The following KDM4C variants were observed in gnomAD, a reference collection of about 807,000 sequenced individuals.
The protein encoded by KDM4C is lysine demethylase 4C, also known as lysine-specific demethylase 4C.
In KDM4C, 81 loss-of-function variants were observed where a neutral mutation model predicts 129.3. The observed-to-expected ratio is 0.63, with a 90% CI of 0.52 to 0.75. KDM4C has a LOEUF of 0.75. Ranked by LOEUF, KDM4C falls within the 30% of genes least tolerant of loss-of-function variation. KDM4C has a pLI of 0.00. For synonymous variants in KDM4C, 573 were observed against 456.1 expected (o/e 1.26, Z -3.26); for missense variants, 1,457 against 1,304.0 (o/e 1.12, Z -1.81).
At chr9:6,847,744 G>C (rs774820993) in intron 4 of KDM4C, among the ~76,000 whole-genome samples, 6 of 152,150 alleles carry the variant, frequency 3.9e-5, no homozygotes, top group Admixed American at 3.3e-4. Context: ...GCTTCTCAGC[G>C]TGTGGCCTAA....
Position 6,759,914 on chromosome 9 carries a change from G to T in KDM4C, c.-18+1711G>T, listed in dbSNP as rs1450819352. 4.7e-5 allele frequency among the ~76,000 whole-genome samples: 7 copies of T among 149,558 alleles called. No homozygotes were observed. The Admixed American group carries it at 4.7e-4, about 10-fold the overall frequency. The stretch of plus-strand genomic sequence containing the variant: ...CGAGATGGCACCACTGCACTCCAGC[G>T]TGGGTGACAGACTGAGACTCCATCT... On this transcript the variant is annotated intron_variant, in intron 1 of 21. Transcript: ENST00000381309.
chr9:7,169,874 G>T lies in KDM4C; in HGVS notation c.2978G>T (p.Arg993Ile). The T allele has an allele frequency of 6.2e-7, 1 of 1,614,106 alleles. No individual in the cohort carries two copies. Among genetic ancestry groups the T allele is most frequent in the Non-Finnish European group, 8.5e-7 (1 of 1,179,962 alleles). Reference sequence around the variant, plus strand: ...ACTTTAGATGAAGAGTTACCCAAGAGAGTGAAAGCTCGATTTGTAAGTGCT... The same window carrying T: ...ACTTTAGATGAAGAGTTACCCAAGATAGTGAAAGCTCGATTTGTAAGTGCT... Reference protein sequence around the residue: ...IYTLDEELPKRVKARFSTASD... With the variant: ...IYTLDEELPKIVKARFSTASD... The change falls in exon 21 of 22, where the codon AGA becomes ATA. Residue 993 changes from arginine to isoleucine, a missense_variant. Coordinates refer to ENST00000381309, the MANE Select transcript of KDM4C (RefSeq NM_015061.6).
chr9:6,820,930 C>G (rs937598014), intron 4 of KDM4C, among the ~76,000 whole-genome samples: 1 of 146,266 alleles, frequency 6.8e-6, no homozygotes, highest in Non-Finnish European at 1.5e-5. Context: ...TCCAAGTGAT[C>G]TCATTGTTCA....
intron 5 of KDM4C, among the ~76,000 whole-genome samples, chr9:6,858,580 C>T (rs937041677): frequency 2.6e-5 from 4 of 152,158 alleles, no homozygotes; most frequent in Non-Finnish European, 4.4e-5. Flanking sequence ...TCAAGACCAT[C>T]TTGGCCAACA....
intron 1 of KDM4C, among the ~76,000 whole-genome samples, chr9:6,742,014 C>T (rs1181715840): frequency 6.7e-6 from 1 of 148,762 alleles, no homozygotes; most frequent in African/African-American, 2.6e-5. Flanking sequence ...GCTCTGTCAC[C>T]CAGGCTGAAG....
chr9:6,924,416 A>G (rs2185463), intron 8 of KDM4C, among the ~76,000 whole-genome samples: 99,174 of 152,004 alleles, frequency 0.65, 32,860 homozygotes, highest in African/African-American at 0.71. Context: ...GCAGGAAATT[A>G]CAAGAGGAGG....
chr9:6,950,505 A>G (rs968935940), intron 8 of KDM4C, among the ~76,000 whole-genome samples: 13 of 152,160 alleles, frequency 8.5e-5, no homozygotes, highest in African/African-American at 2.9e-4. Flanking sequence ...CCTGTACTGG[A>G]CAGTTGTTAA....
intron 17 of KDM4C, among the ~76,000 whole-genome samples, chr9:7,090,043 C>T (rs1188961741): frequency 6.6e-6 from 1 of 152,252 alleles, no homozygotes; most frequent in African/African-American, 2.4e-5. Context: ...TGATTGTGAC[C>T]TTGTTGCTGT....
chr9:6,919,542 T>A (rs1324000053), intron 8 of KDM4C, among the ~76,000 whole-genome samples: 2 of 71,384 alleles, frequency 2.8e-5, no homozygotes, highest in African/African-American at 4.2e-5. Flanking sequence ...TGTCTGTCTG[T>A]CTGTCTATCT....
intron 8 of KDM4C, among the ~76,000 whole-genome samples, chr9:6,935,684 C>G (rs1421447846): frequency 1.3e-5 from 2 of 151,878 alleles, no homozygotes; most frequent in African/African-American, 4.8e-5. Context: ...CAGAATCATC[C>G]AAAACTTCGT....
At chr9:7,065,066 A>G (rs993712296) in intron 17 of KDM4C, among the ~76,000 whole-genome samples, 32 of 152,328 alleles carry the variant, frequency 2.1e-4, no homozygotes, top group African/African-American at 6.7e-4. Context: ...ATCAAAACAT[A>G]ATCTAACACC....
intron 17 of KDM4C, among the ~76,000 whole-genome samples, chr9:7,073,789 T>C (rs1833537459): frequency 1.3e-5 from 2 of 152,182 alleles, no homozygotes; most frequent in Non-Finnish European, 2.9e-5. Flanking sequence ...CATCAAATTG[T>C]AGTTCACTCT....
intron 8 of KDM4C, among the ~76,000 whole-genome samples, chr9:6,919,652 T>G (rs1181153039): frequency 6.6e-6 from 1 of 151,812 alleles, no homozygotes; most frequent in Non-Finnish European, 1.5e-5. Context: ...CTTGGCTCCC[T>G]GCAATCTCCG....
chr9:6,901,633 G>A (rs932091706), intron 8 of KDM4C, among the ~76,000 whole-genome samples: 2 of 152,182 alleles, frequency 1.3e-5, no homozygotes, highest in Non-Finnish European at 2.9e-5. Context: ...GTGGCCAACT[G>A]TTAGAAAGGC....
chr9:6,873,729 CATT>C (rs1411036899), intron 5 of KDM4C, among the ~76,000 whole-genome samples: 1 of 152,202 alleles, frequency 6.6e-6, no homozygotes, highest in African/African-American at 2.4e-5. Flanking sequence ...TTCTTATCAT[CATT>C]GTGTTCATTG....
At chr9:6,819,762 G>C (rs1474588955) in intron 4 of KDM4C, among the ~76,000 whole-genome samples, 1 of 152,164 alleles carries the variant, frequency 6.6e-6, no homozygotes, top group African/African-American at 2.4e-5. Flanking sequence ...CTTACTGTCA[G>C]GAATGTTTGA....
At chr9:6,896,149 A>G (rs968129581) in intron 8 of KDM4C, among the ~76,000 whole-genome samples, 11 of 152,208 alleles carry the variant, frequency 7.2e-5, no homozygotes, top group African/African-American at 2.2e-4. Flanking sequence ...GAATTGCACT[A>G]AAAAGACTTT....
intron 8 of KDM4C, among the ~76,000 whole-genome samples, chr9:6,958,767 C>A (rs559736355): frequency 6.7e-6 from 1 of 148,822 alleles, no homozygotes; most frequent in African/African-American, 2.5e-5. Context: ...TCACTGCAAC[C>A]TCCATCTCCT....
chr9:7,012,602 C>CT (rs1287531859), intron 13 of KDM4C, among the ~76,000 whole-genome samples: 2 of 152,186 alleles, frequency 1.3e-5, no homozygotes, highest in East Asian at 3.8e-4. Context: ...TCACTACAAA[C>CT]TAAATTTTCC....
Sources: allele counts gnomAD v4.1 joint callset (sites outside exome capture counted in the v4.1 genomes callset), GRCh38; gene constraint gnomAD v4.1.1; transcripts MANE v1.5; gene names NCBI Gene and HGNC (gene_info 2026-07-23, HGNC 2026-07-21).